Variants in BMPR1B observed in about 807,000 individuals in gnomAD.
BMPR1B encodes bone morphogenetic protein receptor type-1B.
BMPR1B carries 12 observed loss-of-function variants against 59.1 expected under a neutral mutation model. The observed-to-expected ratio is 0.20, with a 90% CI of 0.13 to 0.33. The LOEUF (loss-of-function observed/expected upper bound fraction) is 0.33, where lower values mean the gene tolerates loss of function less well. Ranked by LOEUF, BMPR1B falls within the 10% of genes least tolerant of loss-of-function variation. The probability of loss-of-function intolerance (pLI) is 1.00; values close to 1 mark genes in which losing one functional copy is unlikely to be tolerated. For missense variants in BMPR1B, 550 were observed against 610.9 expected, an observed-to-expected ratio of 0.90 and a Z score of 1.05; for synonymous variants, 237 against 207.3, an observed-to-expected ratio of 1.14 and a Z score of -1.23.
chr4:95,006,448 AG>A (rs1722839869), intron 3 of BMPR1B, among the ~76,000 whole-genome samples: 1 of 151,740 alleles, frequency 6.6e-6, no homozygotes, highest in Non-Finnish European at 1.5e-5. Context: ...CCTATTTTAA[AG>A]GTAAGGAAAT....
At chr4:94,893,896 G>A (rs1480088217) in intron 2 of BMPR1B, among the ~76,000 whole-genome samples, 3 of 152,058 alleles carry the variant, frequency 2.0e-5, no homozygotes, top group Non-Finnish European at 2.9e-5. Context: ...GTCCCACAGT[G>A]AAATGTGCTA....
chr4:95,105,598 CTGAG>C (rs1731145999), intron 4 of BMPR1B, among the ~76,000 whole-genome samples: 1 of 151,880 alleles, frequency 6.6e-6, no homozygotes, highest in African/African-American at 2.4e-5. Context: ...AGAAACATGA[CTGAG>C]TAACACAGGG....
chr4:94,854,816 T>A (rs1725695852), intron 1 of BMPR1B, among the ~76,000 whole-genome samples: 1 of 152,174 alleles, frequency 6.6e-6, no homozygotes, highest in African/African-American at 2.4e-5. Flanking sequence ...TCCAAAAAGC[T>A]ACTCTTTATG....
chr4:94,903,287 C>T (rs1040314546), intron 2 of BMPR1B, among the ~76,000 whole-genome samples: 3 of 151,788 alleles, frequency 2.0e-5, no homozygotes, highest in Admixed American at 6.6e-5. Context: ...TCCCCGAGTC[C>T]CAGTTAGTTT....
intron 2 of BMPR1B, among the ~76,000 whole-genome samples, chr4:94,906,685 T>C (rs1317685364): frequency 6.6e-6 from 1 of 152,028 alleles, no homozygotes; most frequent in Non-Finnish European, 1.5e-5. Flanking sequence ...ATGCATCCTT[T>C]CATTTTGTAT....
At chr4:94,932,115 C>T (rs1351852186) in intron 2 of BMPR1B, among the ~76,000 whole-genome samples, 1 of 152,128 alleles carries the variant, frequency 6.6e-6, no homozygotes, top group African/African-American at 2.4e-5. Context: ...AAGGTGCTGA[C>T]CATTGCCCTA....
chr4:95,091,403 G>C, intron 3 of BMPR1B: 1 of 932,078 alleles, frequency 1.1e-6, no homozygotes, highest in Non-Finnish European at 1.3e-6. Context: ...TCTCTTGCCA[G>C]CTTATAATCA....
At chr4:95,117,722 AT>A (rs1732174939) in intron 6 of BMPR1B, among the ~76,000 whole-genome samples, 1 of 152,084 alleles carries the variant, frequency 6.6e-6, no homozygotes, top group African/African-American at 2.4e-5. Context: ...GAAGTTCGAC[AT>A]TACATTGCGC....
intron 1 of BMPR1B, among the ~76,000 whole-genome samples, chr4:94,810,130 C>T (rs975299147): frequency 6.6e-6 from 1 of 152,164 alleles, no homozygotes; most frequent in African/African-American, 2.4e-5. Flanking sequence ...GCTATCTATC[C>T]ACTCTCAAGA....
In BMPR1B at chr4:95,156,913, A is replaced by T. The variant is rs548411357; in HGVS notation, c.*2240A>T. ...TCTACAAAACAACAGGTAAACATTTATGCCAGTTAAGTGGGTCATGTTTTT... is the reference window on the plus strand; with the variant it reads ...TCTACAAAACAACAGGTAAACATTTTTGCCAGTTAAGTGGGTCATGTTTTT... On this transcript the variant is annotated 3_prime_UTR_variant, in exon 13 of 13. Transcript: ENST00000515059. 2.4e-4 allele frequency: 36 copies of T among 152,300 alleles called. No homozygotes were observed. Among genetic ancestry groups the T allele is most frequent in the East Asian group, 1.2e-3 (6 of 5,178 alleles). The allele number at this position is 152,300 out of a possible 1,614,324, so 9.4% of individuals were successfully genotyped here.
intron 2 of BMPR1B, among the ~76,000 whole-genome samples, chr4:94,951,065 T>C (rs1399479266): frequency 6.6e-6 from 1 of 152,210 alleles, no homozygotes; most frequent in Non-Finnish European, 1.5e-5. Context: ...AGTTTGCCCA[T>C]GATTTGGCTC....
chr4:94,861,997 A>T (rs1320655958), intron 1 of BMPR1B, among the ~76,000 whole-genome samples: 1 of 152,024 alleles, frequency 6.6e-6, no homozygotes, highest in Non-Finnish European at 1.5e-5. Context: ...GAAACTATAG[A>T]TTTCAGTAGA....
intron 4 of BMPR1B, among the ~76,000 whole-genome samples, chr4:95,112,036 A>T (rs2149274317): frequency 6.6e-6 from 1 of 152,204 alleles, no homozygotes; most frequent in East Asian, 1.9e-4. Context: ...TGTGCACTCA[A>T]CTACTGTTTC....
At chr4:94,808,532 T>C (rs1295900985) in intron 1 of BMPR1B, among the ~76,000 whole-genome samples, 1 of 152,218 alleles carries the variant, frequency 6.6e-6, no homozygotes, top group Non-Finnish European at 1.5e-5. Flanking sequence ...ATTTTGGTCA[T>C]ACAGCTTTTT....
intron 2 of BMPR1B, among the ~76,000 whole-genome samples, chr4:94,981,788 TCA>T (rs1251858545): frequency 6.6e-6 from 1 of 152,222 alleles, no homozygotes; most frequent in African/African-American, 2.4e-5. Flanking sequence ...TTTAAAATCA[TCA>T]TGTAAACCCA....
At chr4:95,046,775 C>G (rs1004075664) in intron 3 of BMPR1B, among the ~76,000 whole-genome samples, 1 of 152,140 alleles carries the variant, frequency 6.6e-6, no homozygotes, top group Non-Finnish European at 1.5e-5. Flanking sequence ...TTTGAAGACT[C>G]CTTTGGTATA....
rs367800412 is a variant in BMPR1B, at chr4:95,005,543, C to CT, written c.-18+9410dup. 3.9e-4 allele frequency among the ~76,000 whole-genome samples: 60 copies of CT among 152,254 alleles called. 1 individual carries two copies. Among genetic ancestry groups the CT allele is most frequent in the African/African-American group, 1.4e-3 (58 of 41,556 alleles). On this transcript the variant is annotated intron_variant, in intron 3 of 12. Transcript: ENST00000515059. The stretch of plus-strand genomic sequence containing the variant: ...GAGCCATACATGTTATCACTCCCCT[C>CT]TGTGTTTCCCTCCTCCCCTCCCACT...
intron 1 of BMPR1B, among the ~76,000 whole-genome samples, chr4:94,855,490 T>C (rs773147006): frequency 5.3e-5 from 8 of 152,216 alleles, no homozygotes; most frequent in Non-Finnish European, 1.2e-4. Flanking sequence ...ATGTCTAACA[T>C]AGACCTTCAG....
At chr4:95,068,569 C>T (rs190239526) in intron 3 of BMPR1B, among the ~76,000 whole-genome samples, 1 of 152,260 alleles carries the variant, frequency 6.6e-6, no homozygotes, top group Admixed American at 6.5e-5. Context: ...TCATGTATAA[C>T]CTGCAATGAG....
Sources: gnomAD v4.1 joint callset for allele counts (sites outside exome capture counted in the v4.1 genomes callset) on GRCh38, gnomAD v4.1.1 for gene constraint, MANE v1.5 for transcripts, NCBI Gene and HGNC (gene_info 2026-07-23, HGNC 2026-07-21) for gene names.